The following DIAPH2 variants were observed in gnomAD, a reference collection of about 807,000 sequenced individuals.
The protein encoded by DIAPH2 is protein diaphanous homolog 2.
In DIAPH2, 35 loss-of-function variants were observed where a neutral mutation model predicts 92.7. The ratio of observed to expected loss-of-function variants is 0.38; its 90% CI spans 0.29 to 0.50. DIAPH2 has a LOEUF of 0.50. Among genes scored for constraint, DIAPH2 ranks in the 20% least tolerant of loss-of-function variants. DIAPH2 has a pLI of 0.94. For missense variants in DIAPH2, 701 were observed against 819.5 expected (o/e 0.86, Z 1.77); for synonymous variants, 301 against 280.4 (o/e 1.07, Z -0.73).
chrX:96,863,281 C>A (rs1211056198), intron 4 of DIAPH2, among the ~76,000 whole-genome samples: 1 of 90,930 alleles, frequency 1.1e-5, no homozygotes, highest in African/African-American at 4.1e-5. Flanking sequence ...TTTTCCTGTA[C>A]TATTTTGTAC....
chrX:97,412,081 C>T (rs1003339850), intron 25 of DIAPH2, among the ~76,000 whole-genome samples: 5 of 112,004 alleles, frequency 4.5e-5, no homozygotes, highest in Admixed American at 9.5e-5. Context: ...ACTCTCCACC[C>T]GAAATCAACA....
chrX:97,344,574 G>A (rs962949951), intron 23 of DIAPH2, among the ~76,000 whole-genome samples: 2 of 111,764 alleles, frequency 1.8e-5, no homozygotes, highest in South Asian at 3.7e-4. Context: ...GTGCTGACTC[G>A]CCAGCCATCT....
At chrX:97,157,829 T>G (rs1231851405) in intron 22 of DIAPH2, among the ~76,000 whole-genome samples, 3 of 112,333 alleles carry the variant, frequency 2.7e-5, no homozygotes, top group Non-Finnish European at 3.8e-5. Flanking sequence ...CATATTTGTA[T>G]TTTGTGTTCT....
At chrX:97,375,918 T>C (rs1361253478) in intron 24 of DIAPH2, among the ~76,000 whole-genome samples, 1 of 111,525 alleles carries the variant, frequency 9.0e-6, no homozygotes, top group African/African-American at 3.3e-5. Flanking sequence ...GAACCAAGTG[T>C]GGGCTAATTC....
chrX:96,834,825 T>G (rs1323871215), intron 4 of DIAPH2, among the ~76,000 whole-genome samples: 1 of 111,620 alleles, frequency 9.0e-6, no homozygotes, highest in Non-Finnish European at 1.9e-5. Flanking sequence ...AGGAAGGAGT[T>G]ATAAACATTG....
At chrX:97,083,453 A>G (rs1345767318) in intron 19 of DIAPH2, among the ~76,000 whole-genome samples, 1 of 112,097 alleles carries the variant, frequency 8.9e-6, no homozygotes, top group Non-Finnish European at 1.9e-5. Flanking sequence ...CGTATGCTTA[A>G]ATCAGGTTTC....
At chrX:97,407,409 C>A (rs779691638) in intron 25 of DIAPH2, among the ~76,000 whole-genome samples, 1 of 110,984 alleles carries the variant, frequency 9.0e-6, no homozygotes, top group Non-Finnish European at 1.9e-5. Flanking sequence ...AAAAAAAAAA[C>A]TACACAATTT....
chrX:97,444,209 T>C (rs1163403266), intron 26 of DIAPH2, among the ~76,000 whole-genome samples: 4 of 111,608 alleles, frequency 3.6e-5, no homozygotes, highest in Non-Finnish European at 5.6e-5. Context: ...CTTCAGATTT[T>C]AGGTTTACTG....
intron 3 of DIAPH2, among the ~76,000 whole-genome samples, chrX:96,755,632 G>A (rs2064222923): frequency 1.8e-5 from 2 of 109,862 alleles, no homozygotes; most frequent in Admixed American, 9.8e-5. Context: ...CAGCCTGGGC[G>A]ACAGAGGGAA....
At chrX:97,573,334 A>AAT (rs753793518) in intron 26 of DIAPH2, among the ~76,000 whole-genome samples, 41 of 110,600 alleles carry the variant, frequency 3.7e-4, no homozygotes, top group African/African-American at 1.2e-3. Context: ...ATTTTTTGGC[A>AAT]ATATATATAT....
chrX:97,599,436 G>A lies in DIAPH2; in HGVS notation c.*119G>A, dbSNP rs1327446561. 1.2e-5 allele frequency: 5 copies of A among 421,852 alleles called. No individual in the cohort carries two copies. The highest frequency in any genetic ancestry group is 1.6e-5 in the Non-Finnish European group (4 of 242,823). 34.8% of individuals were successfully genotyped at this position (421,852 alleles called of 1,213,427 possible). A position where few individuals can be genotyped will look rare whatever the true frequency, so the allele number is the denominator to read the frequency against. Reference sequence around the variant, plus strand: ...ATAAGTGCATTTCTGCAAAGATCAAGATAAGCTGGATGAAGTAGTGTGCAT... The same window carrying A: ...ATAAGTGCATTTCTGCAAAGATCAAAATAAGCTGGATGAAGTAGTGTGCAT... On this transcript the variant is annotated 3_prime_UTR_variant, in exon 27 of 27. Coordinates refer to ENST00000324765, the MANE Select transcript of DIAPH2 (RefSeq NM_006729.5).
chrX:97,274,157 A>G (rs774588833), intron 23 of DIAPH2, among the ~76,000 whole-genome samples: 1 of 110,303 alleles, frequency 9.1e-6, no homozygotes, highest in African/African-American at 3.3e-5. Context: ...TCAGTTCATC[A>G]GGAACACATT....
At chrX:96,990,908 A>G (rs1257789027) in intron 17 of DIAPH2, among the ~76,000 whole-genome samples, 1 of 111,045 alleles carries the variant, frequency 9.0e-6, no homozygotes, top group Non-Finnish European at 1.9e-5. Flanking sequence ...TAGTTTGTGT[A>G]CTTTCTGACT....
At chrX:97,285,980 T>A (rs1186957166) in intron 23 of DIAPH2, among the ~76,000 whole-genome samples, 2 of 108,830 alleles carry the variant, frequency 1.8e-5, no homozygotes. Flanking sequence ...CCATGACTTT[T>A]CTGCTTGCTT....
intron 26 of DIAPH2, among the ~76,000 whole-genome samples, chrX:97,521,801 T>C (rs999593969): frequency 8.9e-6 from 1 of 112,050 alleles, no homozygotes; most frequent in African/African-American, 3.2e-5. Context: ...TTACCCAGTC[T>C]TGGGTATTTC....
At chrX:97,419,516 G>T (rs998389213) in intron 25 of DIAPH2, among the ~76,000 whole-genome samples, 1 of 111,342 alleles carries the variant, frequency 9.0e-6, no homozygotes, top group Admixed American at 9.5e-5. Context: ...CACATGTGCT[G>T]GTAAAAAACC....
At chrX:97,438,351 G>GTTTTT (rs1569397496) in intron 26 of DIAPH2, among the ~76,000 whole-genome samples, 2 of 51,341 alleles carry the variant, frequency 3.9e-5, no homozygotes, top group African/African-American at 7.8e-5. Context: ...TTTTTTTTTT[G>GTTTTT]TTTGTTTGTT....
chrX:96,951,301 CT>C (rs1252210243), intron 15 of DIAPH2, among the ~76,000 whole-genome samples: 1 of 111,734 alleles, frequency 8.9e-6, no homozygotes, highest in East Asian at 2.8e-4. Flanking sequence ...ATTAAGACAT[CT>C]TTTGGAAAGC....
chrX:97,410,341 A>T (rs1283108971), intron 25 of DIAPH2, among the ~76,000 whole-genome samples: 1 of 112,034 alleles, frequency 8.9e-6, no homozygotes, highest in African/African-American at 3.2e-5. Context: ...AGGAAAACTA[A>T]CAAACAGAAA....
Sources: gnomAD v4.1 joint callset for allele counts (sites outside exome capture counted in the v4.1 genomes callset) on GRCh38, gnomAD v4.1.1 for gene constraint, MANE v1.5 for transcripts, NCBI Gene and HGNC (gene_info 2026-07-23, HGNC 2026-07-21) for gene names.